The following DOCK1 variants were observed in gnomAD, a reference collection of about 807,000 sequenced individuals.
DOCK1 encodes dedicator of cytokinesis protein 1.
A neutral mutation model predicts 262.7 loss-of-function variants in DOCK1; 138 were observed. The ratio of observed to expected loss-of-function variants is 0.53; its 90% CI spans 0.46 to 0.61. DOCK1 has a LOEUF of 0.61. Ranked by LOEUF, DOCK1 falls within the 20% of genes least tolerant of loss-of-function variation. DOCK1 has a pLI of 0.00. For synonymous variants in DOCK1, 866 were observed against 867.4 expected, an observed-to-expected ratio of 1.00 and a Z score of 0.03; for missense variants, 1,908 against 2,370.7, an observed-to-expected ratio of 0.80 and a Z score of 4.05.
chr10:127,343,422 C>T (rs1490943973), intron 30 of DOCK1, among the ~76,000 whole-genome samples: 1 of 152,138 alleles, frequency 6.6e-6, no homozygotes, highest in Non-Finnish European at 1.5e-5. Context: ...GAGTAAATGG[C>T]AGACCCGGGA....
At chr10:127,052,915 C>G (rs1364372427) in intron 22 of DOCK1, 100 bp downstream of exon 22, 2 of 1,488,124 alleles carry the variant, frequency 1.3e-6, no homozygotes, top group Non-Finnish European at 1.8e-6. Context: ...TCTTTCCTTT[C>G]TTCTTCCCCC....
chr10:127,026,393 GT>G lies in DOCK1; in HGVS notation c.1596del (p.Phe532LeufsTer21). ...IEDVNRSHLR[F>X]TFRHRSSQDS... ...AGGACGTTAACCGCAGTCACCTTCG[GT>G]TTACCTTCCGCCACAGGTCATCACA... On this transcript the variant is annotated frameshift_variant, in exon 16 of 52. Coordinates refer to ENST00000623213, the MANE Select transcript of DOCK1 (RefSeq NM_001290223.2). LOFTEE classifies it high-confidence loss of function. 1 of 1,578,908 alleles carries G rather than the reference GT, an allele frequency of 6.3e-7. No individual in the cohort carries two copies. The highest frequency in any genetic ancestry group is 8.6e-7 in the Non-Finnish European group (1 of 1,160,940).
At chr10:127,222,101 A>G (rs1749745948) in intron 27 of DOCK1, among the ~76,000 whole-genome samples, 1 of 152,170 alleles carries the variant, frequency 6.6e-6, no homozygotes, top group African/African-American at 2.4e-5. Flanking sequence ...CAGTTTTAAT[A>G]GCGTCGTTCA....
chr10:127,049,021 AT>A (rs764149054), intron 21 of DOCK1, among the ~76,000 whole-genome samples: 8 of 152,276 alleles, frequency 5.3e-5, no homozygotes, highest in Non-Finnish European at 1.2e-4. Context: ...GAAGAAATAA[AT>A]GCGGGTATAA....
intron 20 of DOCK1, 103 bp from the exon 21 acceptor site, chr10:127,042,961 T>C (rs935091945): frequency 3.1e-6 from 3 of 970,486 alleles, no homozygotes; most frequent in African/African-American, 3.3e-5. Context: ...TCTGAAAATG[T>C]TATGGTTCAT....
At chr10:126,910,821 A>C (rs1389553290) in intron 1 of DOCK1, among the ~76,000 whole-genome samples, 1 of 152,018 alleles carries the variant, frequency 6.6e-6, no homozygotes, top group Non-Finnish European at 1.5e-5. Context: ...CCGTTAGTGA[A>C]ATTGCATAGG....
intron 27 of DOCK1, among the ~76,000 whole-genome samples, chr10:127,129,061 G>T (rs553130539): frequency 6.6e-6 from 1 of 152,090 alleles, no homozygotes; most frequent in Non-Finnish European, 1.5e-5. Context: ...GGTGATGTGC[G>T]TCTTCTTGGA....
intron 27 of DOCK1, among the ~76,000 whole-genome samples, chr10:127,195,481 TCTC>T (rs1172791448): frequency 5.9e-5 from 9 of 151,962 alleles, no homozygotes; most frequent in African/African-American, 1.9e-4. Context: ...TGCTCGCGCC[TCTC>T]CTCAACGGCC....
chr10:127,029,788 T>C (rs2043114720), intron 16 of DOCK1, among the ~76,000 whole-genome samples: 1 of 152,014 alleles, frequency 6.6e-6, no homozygotes, highest in African/African-American at 2.4e-5. Context: ...ACTGGTAGGG[T>C]CAGTAGAAGC....
At chr10:127,139,829 G>A (rs759943799) in intron 27 of DOCK1, among the ~76,000 whole-genome samples, 2 of 152,168 alleles carry the variant, frequency 1.3e-5, no homozygotes, top group African/African-American at 2.4e-5. Flanking sequence ...AAATGCCCAT[G>A]AACGAGCCTC....
intron 3 of DOCK1, among the ~76,000 whole-genome samples, chr10:126,979,459 C>T (rs1160208144): frequency 2.6e-5 from 4 of 152,114 alleles, no homozygotes; most frequent in African/African-American, 9.7e-5. Flanking sequence ...CTAATATGCC[C>T]CTCCCCCATC....
At chr10:127,093,214 C>CTTTCTTTCTTTCTTTCTTTCT (rs1453771073) in intron 23 of DOCK1, among the ~76,000 whole-genome samples, 32 of 115,852 alleles carry the variant, frequency 2.8e-4, no homozygotes, top group Non-Finnish European at 2.3e-4. Flanking sequence ...TTCTTTCTTT[C>CTTTCTTTCTTTCTTTCTTTCT]TTTCTTTTCT....
intron 4 of DOCK1, among the ~76,000 whole-genome samples, chr10:126,983,256 C>T (rs1167838165): frequency 6.6e-6 from 1 of 152,210 alleles, no homozygotes; most frequent in Non-Finnish European, 1.5e-5. Flanking sequence ...CACGGCCACT[C>T]AAGCCTAGCT....
intron 23 of DOCK1, among the ~76,000 whole-genome samples, chr10:127,093,242 C>CTTTTTTTTTTTT (rs200302331): frequency 1.5e-4 from 12 of 79,338 alleles, no homozygotes; most frequent in South Asian, 4.3e-4. Flanking sequence ...TTTCTTTCTT[C>CTTTTTTTTTTTT]TTTTTTTTTT....
chr10:126,927,994 G>A (rs1316417432), intron 1 of DOCK1, among the ~76,000 whole-genome samples: 1 of 152,140 alleles, frequency 6.6e-6, no homozygotes, highest in South Asian at 2.1e-4. Context: ...GTCTGCGAAC[G>A]CCAGTGAGGG....
intron 4 of DOCK1, among the ~76,000 whole-genome samples, chr10:126,984,525 G>T (rs929238973): frequency 4.0e-5 from 6 of 150,174 alleles, no homozygotes; most frequent in Non-Finnish European, 7.4e-5. Flanking sequence ...TTTTGTGTGT[G>T]TGTGTGTGTG....
chr10:127,299,467 A>G (rs1223225624), intron 29 of DOCK1, among the ~76,000 whole-genome samples: 2 of 152,360 alleles, frequency 1.3e-5, no homozygotes, highest in Middle Eastern at 3.4e-3. Context: ...ACAGACACAC[A>G]GGAAAAATGC....
intron 27 of DOCK1, among the ~76,000 whole-genome samples, chr10:127,209,761 A>C (rs1010179521): frequency 3.9e-5 from 6 of 152,230 alleles, no homozygotes; most frequent in Admixed American, 3.9e-4. Context: ...GGGCAATTAA[A>C]GGTTACACAT....
At chr10:127,290,597 C>T (rs566631316) in intron 29 of DOCK1, among the ~76,000 whole-genome samples, 1 of 152,234 alleles carries the variant, frequency 6.6e-6, no homozygotes, top group South Asian at 2.1e-4. Flanking sequence ...CTCGCCCTAC[C>T]CCGTTTCTGA....
Sources: gnomAD v4.1 joint callset for allele counts (sites outside exome capture counted in the v4.1 genomes callset) on GRCh38, gnomAD v4.1.1 for gene constraint, MANE v1.5 for transcripts, NCBI Gene and HGNC (gene_info 2026-07-23, HGNC 2026-07-21) for gene names.